Variants in TMCO6 observed in about 807,000 individuals in gnomAD.
The protein encoded by TMCO6 is transmembrane and coiled-coil domains 6, also known as transmembrane and coiled-coil domain-containing protein 6.
TMCO6 carries 47 observed loss-of-function variants against 61.8 expected under a neutral mutation model. That is an observed-to-expected ratio of 0.76 (90% CI 0.60 to 0.97). The LOEUF is 0.97. TMCO6 is among the 50% of genes least tolerant of loss of function. TMCO6 has a pLI of 0.00. For missense variants in TMCO6, 557 were observed against 601.6 expected (o/e 0.93, Z 0.78); for synonymous variants, 261 against 254.2 (o/e 1.03, Z -0.25).
In TMCO6 at chr5:140,639,453, A is replaced by G. The variant is rs1305397700; in HGVS notation, c.-75A>G. 3.5e-6 allele frequency: 5 copies of G among 1,425,150 alleles called. No homozygotes were observed. The highest frequency in any genetic ancestry group is 4.8e-6 in the Non-Finnish European group (5 of 1,035,610). 88.3% of individuals were successfully genotyped at this position (1,425,150 alleles called of 1,614,324 possible). A position where few individuals can be genotyped will look rare whatever the true frequency, so the allele number is the denominator to read the frequency against. ...TTCCCGCCCTGTGCTGAGGCTGCGC[A>G]GTCGGTGCCATCTTCTACGCCCCTG... On this transcript the variant is annotated 5_prime_UTR_variant, in exon 1 of 12. Coordinates refer to ENST00000394671, the MANE Select transcript of TMCO6 (RefSeq NM_018502.5).
At chr5:140,603,937 A>G in the TMCO6 span, among the ~76,000 whole-genome samples, 2 of 152,152 alleles carry the variant, frequency 1.3e-5, no homozygotes, top group Non-Finnish European at 2.9e-5. Context: ...GAGTAGCTGC[A>G]CCATTTTACT....
Position 140,645,179 on chromosome 5 carries a change from C to T in TMCO6, c.*81C>T. 1 of 1,410,824 alleles carries T rather than the reference C, an allele frequency of 7.1e-7. No homozygotes were observed. Among genetic ancestry groups the T allele is most frequent in the Admixed American group, 1.7e-5 (1 of 58,358 alleles). The allele number at this position is 1,410,824 out of a possible 1,614,324, so 87.4% of individuals were successfully genotyped here. A position where few individuals can be genotyped will look rare whatever the true frequency, so the allele number is the denominator to read the frequency against. On this transcript the variant is annotated 3_prime_UTR_variant, in exon 12 of 12. Transcript: ENST00000394671. Reference sequence around the variant, plus strand: ...CAGTAGAGCCTTTGGAGATTTAGGACCATAATGAGGTCTCATGTTCTCTGC... The same window carrying T: ...CAGTAGAGCCTTTGGAGATTTAGGATCATAATGAGGTCTCATGTTCTCTGC...
the TMCO6 span, among the ~76,000 whole-genome samples, chr5:140,625,085 C>A: frequency 6.6e-6 from 1 of 152,026 alleles, no homozygotes; most frequent in African/African-American, 2.4e-5. Flanking sequence ...AACTCCTGAC[C>A]TCATAATACA....
At chr5:140,635,699 A>C (rs1284033018), upstream of TMCO6, among the ~76,000 whole-genome samples, 1 of 152,208 alleles carries the variant, frequency 6.6e-6, no homozygotes, top group African/African-American at 2.4e-5. Flanking sequence ...GCAAACATGA[A>C]CCCAGAACTT....
intron 2 of TMCO6, chr5:140,641,374 A>T (rs1207960909): frequency 2.9e-6 from 1 of 348,786 alleles, no homozygotes; most frequent in Non-Finnish European, 5.4e-6. Flanking sequence ...AGGTTTAAAT[A>T]TCCTTGAAAG....
At chr5:140,608,501 T>A in the TMCO6 span, among the ~76,000 whole-genome samples, 1 of 152,234 alleles carries the variant, frequency 6.6e-6, no homozygotes, top group African/African-American at 2.4e-5. Context: ...AAGCTTTTAA[T>A]TTTGAATTCC....
chr5:140,632,748 G>A, the TMCO6 span: 16 of 1,613,302 alleles, frequency 9.9e-6, no homozygotes, highest in Non-Finnish European at 1.4e-5. The surrounding 1 kb of genome is among the most constrained non-coding windows in gnomAD (Gnocchi z 6.2). Flanking sequence ...ATACTGCCGC[G>A]GGTCGGCGTC....
downstream of TMCO6, chr5:140,645,493 T>C (rs991675289): frequency 3.3e-6 from 5 of 1,496,678 alleles, no homozygotes; most frequent in Non-Finnish European, 4.6e-6. Flanking sequence ...GCACAAGCTT[T>C]ATGAGGAATA....
At chr5:140,610,354 T>C in the TMCO6 span, among the ~76,000 whole-genome samples, 1 of 151,994 alleles carries the variant, frequency 6.6e-6, no homozygotes, top group South Asian at 2.1e-4. Flanking sequence ...AGACTCTGTC[T>C]CAAACAAACA....
the TMCO6 span, among the ~76,000 whole-genome samples, chr5:140,618,868 T>C: frequency 1.3e-5 from 2 of 152,128 alleles, no homozygotes; most frequent in East Asian, 3.8e-4. Flanking sequence ...AGCTATAAAG[T>C]TCTTAGACAA....
chr5:140,608,393 T>C, the TMCO6 span, among the ~76,000 whole-genome samples: 2 of 152,238 alleles, frequency 1.3e-5, no homozygotes, highest in Admixed American at 1.3e-4. Context: ...ATATAAACTC[T>C]GGGTAGTAAA....
At chr5:140,599,085 T>A in the TMCO6 span, among the ~76,000 whole-genome samples, 1 of 152,238 alleles carries the variant, frequency 6.6e-6, no homozygotes, top group Non-Finnish European at 1.5e-5. Flanking sequence ...CAGGGCCACC[T>A]GCATTCTCTG....
the TMCO6 span, chr5:140,633,251 A>G: frequency 1.7e-5 from 12 of 711,090 alleles, no homozygotes; most frequent in Non-Finnish European, 2.9e-5. Context: ...AACCCTGATC[A>G]CCTCCCCACC....
At chr5:140,637,982 TCTTTCTTTCTTTCTTCCTTC>T (rs1323521244), upstream of TMCO6, among the ~76,000 whole-genome samples, 3 of 150,830 alleles carry the variant, frequency 2.0e-5, no homozygotes, top group African/African-American at 7.5e-5. Context: ...TCCCTTTCTT[TCTTTCTTTCTTTCTTCCTTC>T]CTTTCTTTCT....
chr5:140,639,514 C>A lies in TMCO6; in HGVS notation c.-14C>A. ...GGCTGCTGTTTCCTTCGGCTTTCCT[C>A]CTCCTGCTCCACCATGTGGAGCCGA... On this transcript the variant is annotated 5_prime_UTR_variant, in exon 1 of 12. Coordinates refer to ENST00000394671, the MANE Select transcript of TMCO6 (RefSeq NM_018502.5). 1 of 1,549,540 alleles carries A rather than the reference C, an allele frequency of 6.5e-7. No individual in the cohort carries two copies.
At chr5:140,628,128 C>T in the TMCO6 span, among the ~76,000 whole-genome samples, 1 of 151,502 alleles carries the variant, frequency 6.6e-6, no homozygotes, top group Non-Finnish European at 1.5e-5. Context: ...CCTGCCTCAG[C>T]CTCTGGAGTA....
intron 10 of TMCO6, 61 bp downstream of exon 10, chr5:140,644,255 C>G (rs542241267): frequency 6.4e-7 from 1 of 1,553,360 alleles, no homozygotes; most frequent in South Asian, 1.1e-5. Flanking sequence ...GACAGCAGTC[C>G]TGAGCCCTCA....
At chr5:140,616,489 G>A in the TMCO6 span, among the ~76,000 whole-genome samples, 1 of 152,116 alleles carries the variant, frequency 6.6e-6, no homozygotes, top group African/African-American at 2.4e-5. Context: ...TTGAGCCCAG[G>A]AGTCTGAGGT....
upstream of TMCO6, among the ~76,000 whole-genome samples, chr5:140,637,513 A>AC (rs1033425501): frequency 3.6e-4 from 55 of 152,198 alleles, 1 homozygote; most frequent in Admixed American, 2.6e-4. Flanking sequence ...GCCGCCCCCC[A>AC]CAACCATCTG....
Sources: gnomAD v4.1 joint callset for allele counts (sites outside exome capture counted in the v4.1 genomes callset) on GRCh38, gnomAD v4.1.1 for gene constraint, Gnocchi (gnomAD v3.1) non-coding constraint, MANE v1.5 for transcripts, NCBI Gene and HGNC (gene_info 2026-07-23, HGNC 2026-07-21) for gene names.